The following TSGA10 variants were observed in gnomAD, a reference collection of about 807,000 sequenced individuals.
TSGA10 encodes testis-specific gene 10 protein.
Under a neutral mutation model 96.6 loss-of-function variants are expected in TSGA10, and 43 were observed. That is an observed-to-expected ratio of 0.44 (90% CI 0.35 to 0.57). TSGA10 has a LOEUF of 0.57. TSGA10 is among the 20% of genes least tolerant of loss of function. The pLI, the probability that TSGA10 is intolerant of heterozygous loss-of-function variation, is 0.01. For missense variants in TSGA10, 703 were observed against 834.4 expected (o/e 0.84, Z 1.94); for synonymous variants, 229 against 269.9 (o/e 0.85, Z 1.48).
At chr2:99,006,791 C>T (rs1313197983) in intron 20 of TSGA10, among the ~76,000 whole-genome samples, 1 of 152,210 alleles carries the variant, frequency 6.6e-6, no homozygotes, top group East Asian at 1.9e-4. Context: ...CATCCCATTA[C>T]TGGGTATATA....
chr2:99,083,707 G>A (rs577167487), intron 10 of TSGA10, among the ~76,000 whole-genome samples: 22 of 152,186 alleles, frequency 1.4e-4, no homozygotes, highest in African/African-American at 4.1e-4. Flanking sequence ...GTTTTCAAGC[G>A]AATCTTGAAA....
intron 17 of TSGA10, among the ~76,000 whole-genome samples, chr2:99,030,302 G>T (rs1187217708): frequency 6.6e-6 from 1 of 151,830 alleles, no homozygotes; most frequent in African/African-American, 2.4e-5. Context: ...AGCCAAGATA[G>T]TGCCACTGTA....
chr2:99,154,702 G>A lies in TSGA10; in HGVS notation c.-630C>T, dbSNP rs1240749690. 1 of 218,128 alleles carries A rather than the reference G, an allele frequency of 4.6e-6. No individual in the cohort carries two copies. Among genetic ancestry groups the A allele is most frequent in the African/African-American group, 2.4e-5 (1 of 42,220 alleles). The allele number at this position is 218,128 out of a possible 1,614,324, so 13.5% of individuals were successfully genotyped here. A position where few individuals can be genotyped will look rare whatever the true frequency, so the allele number is the denominator to read the frequency against. ...ACGCCCGCTCTCCTACCTTCGCCCA[G>A]GGCTGGCCGTTATCTCTGTGCTGTC... On this transcript the variant is annotated 5_prime_UTR_variant, in exon 1 of 21. Transcript: ENST00000393483.
At chr2:99,038,141 C>T (rs1456420992) in intron 16 of TSGA10, among the ~76,000 whole-genome samples, 1 of 151,818 alleles carries the variant, frequency 6.6e-6, no homozygotes, top group Non-Finnish European at 1.5e-5. Flanking sequence ...ACTATGAGAA[C>T]TGCTGACAGG....
At chr2:99,004,893 A>G (rs2078319317) in intron 20 of TSGA10, among the ~76,000 whole-genome samples, 3 of 152,354 alleles carry the variant, frequency 2.0e-5, no homozygotes, top group African/African-American at 7.2e-5. Flanking sequence ...AAACTCCTCA[A>G]TAAAATACTC....
intron 4 of TSGA10, among the ~76,000 whole-genome samples, chr2:99,114,132 C>T (rs1299252680): frequency 6.6e-6 from 1 of 152,204 alleles, no homozygotes; most frequent in Non-Finnish European, 1.5e-5. Flanking sequence ...CTAACAGTAG[C>T]TTTAGCCTCA....
intron 16 of TSGA10, among the ~76,000 whole-genome samples, chr2:99,044,315 A>C (rs2082516755): frequency 6.7e-6 from 1 of 149,856 alleles, no homozygotes; most frequent in African/African-American, 2.5e-5. Context: ...GCTCAAAATA[A>C]AGGGATGGAG....
At chr2:99,079,176 C>G (rs368706033) in intron 11 of TSGA10, among the ~76,000 whole-genome samples, 1 of 152,134 alleles carries the variant, frequency 6.6e-6, no homozygotes, top group South Asian at 2.1e-4. Context: ...GTAGTTTCCC[C>G]TCCCCTCCCT....
At chr2:99,129,170 C>T (rs2092957384) in intron 1 of TSGA10, among the ~76,000 whole-genome samples, 1 of 152,120 alleles carries the variant, frequency 6.6e-6, no homozygotes, top group Non-Finnish European at 1.5e-5. Flanking sequence ...TCCAGGTTTT[C>T]TCTGTCTTCT....
At chr2:99,038,513 A>G (rs2081879247) in intron 16 of TSGA10, among the ~76,000 whole-genome samples, 1 of 152,204 alleles carries the variant, frequency 6.6e-6, no homozygotes, top group South Asian at 2.1e-4. Flanking sequence ...CTATTCTTAT[A>G]TCAGACAAAG....
chr2:99,082,891 A>G (rs2087703557), intron 10 of TSGA10, among the ~76,000 whole-genome samples: 1 of 152,182 alleles, frequency 6.6e-6, no homozygotes, highest in African/African-American at 2.4e-5. Context: ...AGAACCAAAT[A>G]GAACTTCACA....
intron 16 of TSGA10, among the ~76,000 whole-genome samples, chr2:99,059,870 C>T (rs899645885): frequency 4.7e-5 from 7 of 148,420 alleles, no homozygotes; most frequent in African/African-American, 1.7e-4. Flanking sequence ...GCCAAGACTG[C>T]GCCACTGCAC....
chr2:99,031,286 CAAAAAAAAAAAAA>C (rs70940132), intron 17 of TSGA10, among the ~76,000 whole-genome samples: 4 of 46,420 alleles, frequency 8.6e-5, no homozygotes, highest in African/African-American at 1.9e-4. Flanking sequence ...ACTCATAGGC[CAAAAAAAAAAAAA>C]AAAAAAAAAA....
intron 7 of TSGA10, among the ~76,000 whole-genome samples, chr2:99,106,321 C>A (rs2091329543): frequency 1.3e-5 from 2 of 152,148 alleles, no homozygotes; most frequent in South Asian, 4.1e-4. Flanking sequence ...ATATAACTTC[C>A]CAATTTCCAC....
In TSGA10 at chr2:99,018,211, T is replaced by C; in HGVS notation, c.2061A>G (p.Arg687=). The C allele has an allele frequency of 6.2e-7, 1 of 1,614,004 alleles. No homozygotes were observed. The highest frequency in any genetic ancestry group is 8.5e-7 in the Non-Finnish European group (1 of 1,180,006). ...TTAAATAGACTCACTCTTCTAATGA[T>C]CGATCTAGGCCTCGGTCAGGAGATC... is the stretch of plus-strand genomic sequence containing the variant. ...HHRSPDRGLD[R]SLEENLCYRD... is the part of the protein sequence containing the mutation. The change falls in exon 20 of 21, where the codon CGA becomes CGG. Residue 687 remains arginine, a synonymous_variant. Transcript: ENST00000393483.
chr2:98,999,644 A>T lies in TSGA10; in HGVS notation c.2073-1423T>A, dbSNP rs535283657. Among the ~76,000 whole-genome samples, 12 of 152,380 alleles carry T rather than the reference A, an allele frequency of 7.9e-5. No individual in the cohort carries two copies. In the South Asian group the frequency reaches 1.2e-3, roughly 16 times the overall value. ...GCAAAGAAGACTGATCAAATGAAGA[A>T]ATACAACAAATATCACATAGTACAG... On this transcript the variant is annotated intron_variant, in intron 20 of 20. Transcript: ENST00000393483.
rs532139337 is a variant in TSGA10, at chr2:99,102,712, T to C, written c.611+1255A>G. 3.8e-5 allele frequency: 61 copies of C among 1,611,632 alleles called. No homozygotes were observed. The African/African-American group carries it at 7.3e-4, about 19-fold the overall frequency. On this transcript the variant is annotated intron_variant, in intron 10 of 20. Transcript: ENST00000393483. ...CATATTGATGTGATCACAGCGGAGATGGCCAAAGACTTTGTAGAAGATGAT... is the reference window on the plus strand; with the variant it reads ...CATATTGATGTGATCACAGCGGAGACGGCCAAAGACTTTGTAGAAGATGAT...
chr2:99,089,371 C>T (rs1322004180), intron 10 of TSGA10, among the ~76,000 whole-genome samples: 1 of 152,190 alleles, frequency 6.6e-6, no homozygotes. Flanking sequence ...AATTTTGTAA[C>T]AATTCCAACC....
chr2:99,131,291 T>C (rs2093069774), intron 1 of TSGA10, among the ~76,000 whole-genome samples: 2 of 152,202 alleles, frequency 1.3e-5, no homozygotes. Flanking sequence ...GTGTCCTCTC[T>C]TATTTCTTTG....
Sources: gnomAD v4.1 joint callset for allele counts (sites outside exome capture counted in the v4.1 genomes callset) on GRCh38, gnomAD v4.1.1 for gene constraint, MANE v1.5 for transcripts, NCBI Gene and HGNC (gene_info 2026-07-23, HGNC 2026-07-21) for gene names.